The following GPC5 variants were observed in gnomAD, a reference collection of about 807,000 sequenced individuals.
The protein encoded by GPC5 is glypican-5.
Under a neutral mutation model 53.9 loss-of-function variants are expected in GPC5, and 47 were observed. That is an observed-to-expected ratio of 0.87 (90% CI 0.69 to 1.11). The LOEUF (loss-of-function observed/expected upper bound fraction) is 1.11. Ranked by LOEUF, GPC5 falls within the 50% of genes most tolerant of loss-of-function variation. The pLI is 0.00. For missense variants in GPC5, 748 were observed against 713.1 expected, an observed-to-expected ratio of 1.05 and a Z score of -0.56; for synonymous variants, 286 against 263.3, an observed-to-expected ratio of 1.09 and a Z score of -0.84.
Position 92,812,997 on chromosome 13 carries a change from T to C in GPC5, c.1562-53285T>C, listed in dbSNP as rs74909357. Among the ~76,000 whole-genome samples the C allele has an allele frequency of 0.025, 3,778 of 152,074 alleles. 388 individuals are homozygous for C. The East Asian group carries it at 0.32, about 13-fold the overall frequency. ...ATTTAATTCACCAATTCTTATAAAA[T>C]GAAGTGTATTTTTTATCATACAAGA... On this transcript the variant is annotated intron_variant, in intron 7 of 7. Coordinates refer to ENST00000377067, the MANE Select transcript of GPC5 (RefSeq NM_004466.6).
intron 7 of GPC5, among the ~76,000 whole-genome samples, chr13:92,610,188 G>A (rs560369034): frequency 2.0e-5 from 3 of 151,890 alleles, no homozygotes; most frequent in Admixed American, 6.6e-5. Flanking sequence ...ACACTTTCTG[G>A]GTTCATCATT....
chr13:91,948,115 C>T (rs1261515897), intron 6 of GPC5, among the ~76,000 whole-genome samples: 1 of 151,648 alleles, frequency 6.6e-6, no homozygotes, highest in Non-Finnish European at 1.5e-5. Context: ...GTAGTCCCAG[C>T]TACTCGGGAG....
intron 7 of GPC5, among the ~76,000 whole-genome samples, chr13:92,494,060 T>TTTTG (rs1555338604): frequency 7.0e-6 from 1 of 143,828 alleles, no homozygotes; most frequent in Non-Finnish European, 1.5e-5. Flanking sequence ...TTGTGTTTTT[T>TTTTG]TTTGTTTGTT....
chr13:92,785,759 T>A (rs1039280448), intron 7 of GPC5, among the ~76,000 whole-genome samples: 23 of 152,194 alleles, frequency 1.5e-4, no homozygotes, highest in Admixed American at 1.1e-3. Flanking sequence ...TCTGTGTAAG[T>A]CCAGGTCTGC....
chr13:92,550,366 A>G (rs1435263777), intron 7 of GPC5, among the ~76,000 whole-genome samples: 4 of 151,906 alleles, frequency 2.6e-5, no homozygotes, highest in Non-Finnish European at 5.9e-5. Flanking sequence ...TTCAGTATAT[A>G]TGTCTCTGAT....
At chr13:92,561,859 A>C (rs756548373) in intron 7 of GPC5, among the ~76,000 whole-genome samples, 6 of 152,094 alleles carry the variant, frequency 3.9e-5, no homozygotes, top group Non-Finnish European at 8.8e-5. Flanking sequence ...GAGGAGATAA[A>C]GTTGTGGATA....
At chr13:92,017,175 G>A (rs979422363) in intron 6 of GPC5, among the ~76,000 whole-genome samples, 6 of 152,092 alleles carry the variant, frequency 3.9e-5, no homozygotes, top group African/African-American at 1.4e-4. Flanking sequence ...TAGCATCCTC[G>A]GACACCAAGA....
chr13:92,424,810 CTATTCATT>C (rs1419604980), intron 7 of GPC5, among the ~76,000 whole-genome samples: 2 of 78,600 alleles, frequency 2.5e-5, no homozygotes, highest in Admixed American at 2.9e-4. Context: ...CAATATTCAT[CTATTCATT>C]CATTCATTCA....
At chr13:92,756,136 T>A (rs1341048664) in intron 7 of GPC5, among the ~76,000 whole-genome samples, 2 of 151,786 alleles carry the variant, frequency 1.3e-5, no homozygotes, top group Non-Finnish European at 2.9e-5. Context: ...TCCACCATGA[T>A]CAAGTGGGCT....
chr13:92,652,552 G>A (rs1256483121), intron 7 of GPC5, among the ~76,000 whole-genome samples: 2 of 152,070 alleles, frequency 1.3e-5, no homozygotes, highest in Non-Finnish European at 2.9e-5. Flanking sequence ...CTTCCTGACC[G>A]TGGTGGACAG....
chr13:92,160,598 A>C (rs2139005294), intron 7 of GPC5, among the ~76,000 whole-genome samples: 1 of 152,230 alleles, frequency 6.6e-6, no homozygotes, highest in South Asian at 2.1e-4. Flanking sequence ...TGAACCATTA[A>C]GTCTTTGATG....
chr13:92,522,722 C>T (rs1460481630), intron 7 of GPC5, among the ~76,000 whole-genome samples: 1 of 152,026 alleles, frequency 6.6e-6, no homozygotes, highest in East Asian at 1.9e-4. Flanking sequence ...GCATATGTAA[C>T]AAACCTGCAC....
At chr13:91,626,068 C>T (rs1454950193) in intron 2 of GPC5, among the ~76,000 whole-genome samples, 2 of 152,036 alleles carry the variant, frequency 1.3e-5, no homozygotes, top group African/African-American at 4.8e-5. Context: ...ATCTGGTTTT[C>T]TAAGAAGCAA....
chr13:92,371,045 A>G (rs1415264059), intron 7 of GPC5, among the ~76,000 whole-genome samples: 3 of 152,118 alleles, frequency 2.0e-5, no homozygotes, highest in Non-Finnish European at 4.4e-5. Flanking sequence ...GCTACTTGGG[A>G]GGCTGAGGCA....
At chr13:92,538,334 C>T (rs1881791130) in intron 7 of GPC5, among the ~76,000 whole-genome samples, 1 of 151,304 alleles carries the variant, frequency 6.6e-6, no homozygotes, top group Non-Finnish European at 1.5e-5. Context: ...TTTCTACCTC[C>T]CTCCTTCCTG....
chr13:91,644,314 T>C (rs1171084981), intron 2 of GPC5, among the ~76,000 whole-genome samples: 2 of 152,174 alleles, frequency 1.3e-5, no homozygotes, highest in Non-Finnish European at 2.9e-5. Flanking sequence ...CAACGTCGCA[T>C]AGACAGTAAG....
chr13:91,520,838 T>C (rs1247266315), intron 2 of GPC5, among the ~76,000 whole-genome samples: 2 of 152,074 alleles, frequency 1.3e-5, no homozygotes, highest in Non-Finnish European at 2.9e-5. Flanking sequence ...CTTGCTAAAC[T>C]AGAATAGTTT....
Position 92,649,696 on chromosome 13 carries a change from C to T in GPC5, c.1562-216586C>T, listed in dbSNP as rs181913933. Among the ~76,000 whole-genome samples the T allele has an allele frequency of 1.7e-4, 26 of 152,246 alleles. No homozygotes were observed. In the East Asian group the frequency reaches 4.4e-3, roughly 26 times the overall value. On this transcript the variant is annotated intron_variant, in intron 7 of 7. Transcript: ENST00000377067. ...GATTACCCTCCTGGCCAAGCAACCACCTGCCTGTAATTTTGTAAAACAAAC... is the reference window on the plus strand; with the variant it reads ...GATTACCCTCCTGGCCAAGCAACCATCTGCCTGTAATTTTGTAAAACAAAC...
chr13:92,187,288 T>C (rs1029672250), intron 7 of GPC5, among the ~76,000 whole-genome samples: 34 of 152,226 alleles, frequency 2.2e-4, no homozygotes, highest in African/African-American at 8.2e-4. Context: ...ATTCCTTCCC[T>C]AGTACATTTT....
Sources: gnomAD v4.1 joint callset for allele counts (sites outside exome capture counted in the v4.1 genomes callset) on GRCh38, gnomAD v4.1.1 for gene constraint, MANE v1.5 for transcripts, NCBI Gene and HGNC (gene_info 2026-07-23, HGNC 2026-07-21) for gene names.